Variants in PALM2AKAP2 observed in about 807,000 individuals in gnomAD.
The protein encoded by PALM2AKAP2 is PALM2 and AKAP2 fusion.
In PALM2AKAP2, 37 loss-of-function variants were observed where a neutral mutation model predicts 71.5. The ratio of observed to expected loss-of-function variants is 0.52; its 90% CI spans 0.40 to 0.68. The LOEUF (loss-of-function observed/expected upper bound fraction) is 0.68. Ranked by LOEUF, PALM2AKAP2 falls within the 30% of genes least tolerant of loss-of-function variation. PALM2AKAP2 has a pLI of 0.00. For missense variants in PALM2AKAP2, 1,224 were observed against 1,191.8 expected, an observed-to-expected ratio of 1.03 and a Z score of -0.40; for synonymous variants, 468 against 478.8, an observed-to-expected ratio of 0.98 and a Z score of 0.29.
chr9:110,171,802 C>A (rs933642357), exon 4 of PALM2AKAP2: 1 of 152,628 alleles, frequency 6.6e-6, no homozygotes, highest in Non-Finnish European at 1.5e-5. Context: ...AAAAGCCTTT[C>A]TGGAAGTATT....
intron 1 of PALM2AKAP2, among the ~76,000 whole-genome samples, chr9:109,764,659 G>A (rs1370888966): frequency 6.6e-6 from 1 of 152,154 alleles, no homozygotes; most frequent in Non-Finnish European, 1.5e-5. Context: ...ATTCAACTCT[G>A]CCTCACCGAT....
chr9:110,023,330 T>TTTTTTTTTTTTTTTTG, intron 7 of PALM2AKAP2, among the ~76,000 whole-genome samples: 1 of 108,492 alleles, frequency 9.2e-6, no homozygotes, highest in African/African-American at 3.2e-5. Context: ...TTTTTTTTTT[T>TTTTTTTTTTTTTTTTG]TGAGATGGAG....
intron 7 of PALM2AKAP2, among the ~76,000 whole-genome samples, chr9:110,039,703 G>T (rs1833479057): frequency 6.6e-6 from 1 of 152,132 alleles, no homozygotes; most frequent in Non-Finnish European, 1.5e-5. Context: ...AGTAGCAGCA[G>T]CAGCAGCAGC....
intron 2 of PALM2AKAP2, among the ~76,000 whole-genome samples, chr9:110,153,205 C>G (rs1002150074): frequency 6.6e-6 from 1 of 152,144 alleles, no homozygotes; most frequent in Non-Finnish European, 1.5e-5. Flanking sequence ...TATAGTAATC[C>G]TTCACCCTCT....
At chr9:109,747,660 A>C (rs561253837) in intron 1 of PALM2AKAP2, among the ~76,000 whole-genome samples, 1 of 152,200 alleles carries the variant, frequency 6.6e-6, no homozygotes, top group African/African-American at 2.4e-5. Context: ...AAAATACTGT[A>C]ACTCCATAAT....
intron 1 of PALM2AKAP2, among the ~76,000 whole-genome samples, chr9:109,666,323 A>G (rs1323626039): frequency 6.6e-6 from 1 of 152,170 alleles, no homozygotes; most frequent in Admixed American, 6.5e-5. Flanking sequence ...CATCTTGGAA[A>G]GCCCTCACAA....
At chr9:109,894,428 G>T (rs1194843553) in intron 3 of PALM2AKAP2, among the ~76,000 whole-genome samples, 1 of 152,206 alleles carries the variant, frequency 6.6e-6, no homozygotes, top group Non-Finnish European at 1.5e-5. Flanking sequence ...TTACAGAAAA[G>T]TGGCCAAACC....
upstream of PALM2AKAP2, among the ~76,000 whole-genome samples, chr9:109,779,539 G>C (rs1466010457): frequency 6.6e-6 from 1 of 152,090 alleles, no homozygotes; most frequent in Non-Finnish European, 1.5e-5. Context: ...TTTCAGATGA[G>C]GAAACTGAGG....
intron 1 of PALM2AKAP2, among the ~76,000 whole-genome samples, chr9:109,712,076 C>A (rs746474747): frequency 5.9e-5 from 9 of 151,712 alleles, no homozygotes; most frequent in East Asian, 3.9e-4. Flanking sequence ...CTTGGCTGTG[C>A]CTTTTGAACT....
chr9:110,014,789 AAAAAAAAAAAAAAAAT>A lies in PALM2AKAP2; in HGVS notation c.497-1164_497-1149del. Among the ~76,000 whole-genome samples, 4 of 57,904 alleles carry A rather than the reference AAAAAAAAAAAAAAAAT, an allele frequency of 6.9e-5. No individual in the cohort carries two copies. The Middle Eastern group carries it at 0.024, about 350-fold the overall frequency. The allele number at this position is 57,904 out of a possible 152,430, so 38.0% of individuals were successfully genotyped here. ...CTCTGTCCTCTGTCTCAAAAAAAAAAAAAAAAAAAAAAAAATGTATATATATATATATATATATATA... is the reference window on the plus strand; with the variant it reads ...CTCTGTCCTCTGTCTCAAAAAAAAAAGTATATATATATATATATATATATA... On this transcript the variant is annotated intron_variant, in intron 6 of 9. Coordinates refer to the PALM2AKAP2 transcript ENST00000302798.
intron 1 of PALM2AKAP2, among the ~76,000 whole-genome samples, chr9:110,088,711 T>G (rs578656): frequency 0.03 from 1,991 of 65,722 alleles, 11 homozygotes; most frequent in South Asian, 0.058. Flanking sequence ...GTGTTTTTTT[T>G]TTTTTTTTTT....
At chr9:109,755,403 A>T (rs1022994545) in intron 1 of PALM2AKAP2, among the ~76,000 whole-genome samples, 7 of 152,132 alleles carry the variant, frequency 4.6e-5, no homozygotes, top group African/African-American at 1.7e-4. Flanking sequence ...TTACCATCCT[A>T]GACTATTGGT....
At chr9:110,135,164 A>AAAAAAAAATATATATATATAGAT in intron 1 of PALM2AKAP2, among the ~76,000 whole-genome samples, 1 of 51,744 alleles carries the variant, frequency 1.9e-5, no homozygotes, top group Non-Finnish European at 3.8e-5. Flanking sequence ...AAAAAAAAAA[A>AAAAAAAAATATATATATATAGAT]ATATATAAAT....
At chr9:110,100,051 CTATATATATATATATATA>C (rs71373968) in intron 1 of PALM2AKAP2, among the ~76,000 whole-genome samples, 3 of 109,464 alleles carry the variant, frequency 2.7e-5, no homozygotes, top group Non-Finnish European at 5.6e-5. Flanking sequence ...GTATGTGTGT[CTATATATATATATATATA>C]TATATATATA....
intron 6 of PALM2AKAP2, among the ~76,000 whole-genome samples, chr9:110,014,587 A>G (rs887363029): frequency 2.0e-5 from 3 of 151,536 alleles, no homozygotes; most frequent in Admixed American, 2.0e-4. Flanking sequence ...AGCCTGGACA[A>G]CATGGTGAAA....
intron 2 of PALM2AKAP2, among the ~76,000 whole-genome samples, chr9:110,145,967 C>T (rs1328493884): frequency 7.4e-6 from 1 of 135,122 alleles, no homozygotes; most frequent in Non-Finnish European, 1.5e-5. Flanking sequence ...GGCGCTATCT[C>T]GGCTCACTGC....
intron 1 of PALM2AKAP2, chr9:109,867,287 T>C (rs1587972132): frequency 1.9e-6 from 1 of 517,592 alleles, no homozygotes; most frequent in African/African-American, 2.0e-5. Context: ...TCTCCCACTC[T>C]TCGAGCCTAC....
intron 2 of PALM2AKAP2, among the ~76,000 whole-genome samples, chr9:109,869,205 A>AC (rs1564188631): frequency 2.0e-5 from 3 of 151,952 alleles, no homozygotes; most frequent in Non-Finnish European, 4.4e-5. Flanking sequence ...ACATCAAGGG[A>AC]TTTTTTTTCT....
Position 110,069,625 on chromosome 9 carries a change from G to A in PALM2AKAP2, c.156+20770G>A, listed in dbSNP as rs183435105. Among the ~76,000 whole-genome samples the A allele has an allele frequency of 3.4e-3, 524 of 152,268 alleles. 8 individuals are homozygous for A. Among genetic ancestry groups the A allele is most frequent in the Admixed American group, 0.025 (376 of 15,294 alleles). On this transcript the variant is annotated intron_variant, in intron 1 of 3. Coordinates refer to ENST00000374525, the Ensembl canonical transcript of PALM2AKAP2. ...TCTGTCAGCTCTGAGATTAAATGAC[G>A]TGTGCATTTGCTTATCGGATTCTTA...
Sources: gnomAD v4.1 joint callset for allele counts (sites outside exome capture counted in the v4.1 genomes callset) on GRCh38, gnomAD v4.1.1 for gene constraint, MANE v1.5 for transcripts, NCBI Gene and HGNC (gene_info 2026-07-23, HGNC 2026-07-21) for gene names.